RBFOX3: variants seen among roughly 807,000 people sequenced by gnomAD.
The protein encoded by RBFOX3 is RNA binding protein fox-1 homolog 3.
RBFOX3 carries 17 observed loss-of-function variants against 48.7 expected under a neutral mutation model. The ratio of observed to expected loss-of-function variants is 0.35; its 90% CI spans 0.24 to 0.52. The LOEUF is 0.52. Ranked by LOEUF, RBFOX3 falls within the 20% of genes least tolerant of loss-of-function variation. The probability of loss-of-function intolerance (pLI) is 0.94; values close to 1 mark genes in which losing one functional copy is unlikely to be tolerated. For synonymous variants in RBFOX3, 212 were observed against 209.5 expected (o/e 1.01, Z -0.10); for missense variants, 382 against 497.5 (o/e 0.77, Z 2.21).
At chr17:79,546,489 T>C (rs1456486737) in intron 1 of RBFOX3, among the ~76,000 whole-genome samples, 1 of 152,062 alleles carries the variant, frequency 6.6e-6, no homozygotes, top group African/African-American at 2.4e-5. Flanking sequence ...ACAGGGTTGA[T>C]CGATGGCTTG....
In RBFOX3 at chr17:79,481,962, T is replaced by A. The variant is rs2078844064; in HGVS notation, c.-175+492A>T. On this transcript the variant is annotated intron_variant, in intron 2 of 14. Coordinates refer to ENST00000693108, the MANE Select transcript of RBFOX3 (RefSeq NM_001350451.2). This position sits in a 1 kb window ranked among gnomAD's most constrained non-coding sequence, Gnocchi z 5.4. ...GTCTGACGCTGACTCCGGCGGTTAG[T>A]GTCAGAGCTGAACGGCAGTCACCCT... Among the ~76,000 whole-genome samples the A allele has an allele frequency of 6.6e-6, 1 of 152,084 alleles. No homozygotes were observed. The highest frequency in any genetic ancestry group is 2.4e-5 in the African/African-American group (1 of 41,418).
In RBFOX3 at chr17:79,462,569, G is replaced by T. The variant is rs1358083865; in HGVS notation, c.-175+19885C>A. Among the ~76,000 whole-genome samples the T allele has an allele frequency of 3.9e-5, 6 of 152,278 alleles. No homozygotes were observed. In the East Asian group the frequency reaches 7.7e-4, roughly 20 times the overall value. On this transcript the variant is annotated intron_variant, in intron 2 of 14. Transcript: ENST00000693108. ...GAGACAAATGCCTGGAGACATTATTGGTTGTTACTACTTAGTGGAGGGATT... is the reference window on the plus strand; with the variant it reads ...GAGACAAATGCCTGGAGACATTATTTGTTGTTACTACTTAGTGGAGGGATT...
chr17:79,139,063 C>T (rs1389418033), intron 4 of RBFOX3, among the ~76,000 whole-genome samples: 1 of 151,220 alleles, frequency 6.6e-6, no homozygotes, highest in African/African-American at 2.4e-5. Flanking sequence ...GTTCACACCC[C>T]TCACCCACAC....
chr17:79,370,885 G>A (rs1392288643), intron 2 of RBFOX3, among the ~76,000 whole-genome samples: 1 of 152,228 alleles, frequency 6.6e-6, no homozygotes, highest in Non-Finnish European at 1.5e-5. Context: ...TAGTTCCCAG[G>A]GCCAAGCACC....
intron 2 of RBFOX3, among the ~76,000 whole-genome samples, chr17:79,308,270 C>T (rs1454217834): frequency 1.3e-5 from 2 of 152,210 alleles, no homozygotes; most frequent in Non-Finnish European, 2.9e-5. Flanking sequence ...CGCTGGGCTG[C>T]ATCCTAGAGG....
chr17:79,430,112 T>C (rs1000431059), intron 2 of RBFOX3, among the ~76,000 whole-genome samples: 7 of 152,114 alleles, frequency 4.6e-5, no homozygotes, highest in African/African-American at 1.7e-4. Flanking sequence ...TCCCCCAGCG[T>C]TGCACTCAGA....
chr17:79,371,614 C>T (rs562440596), intron 2 of RBFOX3, among the ~76,000 whole-genome samples: 25 of 152,260 alleles, frequency 1.6e-4, no homozygotes, highest in African/African-American at 5.3e-4. Flanking sequence ...AGGGGCCACT[C>T]GATGAGGAAG....
At chr17:79,525,725 G>C (rs1416118274) in intron 1 of RBFOX3, among the ~76,000 whole-genome samples, 3 of 152,140 alleles carry the variant, frequency 2.0e-5, no homozygotes, top group African/African-American at 7.2e-5. Flanking sequence ...TTCTAAGCTT[G>C]GGTTTTTGTA....
intron 14 of RBFOX3, chr17:79,092,678 C>G: frequency 2.1e-6 from 2 of 950,612 alleles, no homozygotes; most frequent in Non-Finnish European, 2.5e-6. Flanking sequence ...CAATCAGTAC[C>G]GTCTTTTGGA....
chr17:79,331,513 T>C (rs946435850), intron 2 of RBFOX3, among the ~76,000 whole-genome samples: 1 of 152,184 alleles, frequency 6.6e-6, no homozygotes, highest in African/African-American at 2.4e-5. Context: ...CTGCCCCCCC[T>C]GGACCCCTGG....
rs2061425837 is a variant in RBFOX3 at position 79,391,975 on chromosome 17, T to C, written c.-174-84151A>G. ...CGTGCTCCCCCTGGTGGAAGGAAAC[T>C]TGTATGGCAACGCTCCCGCCAGGGC... On this transcript the variant is annotated intron_variant, in intron 2 of 14. Coordinates refer to ENST00000693108, the MANE Select transcript of RBFOX3 (RefSeq NM_001350451.2). This position sits in a 1 kb window ranked among gnomAD's most constrained non-coding sequence, Gnocchi z 5.0. Among the ~76,000 whole-genome samples, 1 of 152,154 alleles carries C rather than the reference T, an allele frequency of 6.6e-6. No homozygotes were observed. The highest frequency in any genetic ancestry group is 6.5e-5 in the Admixed American group (1 of 15,276).
intron 4 of RBFOX3, among the ~76,000 whole-genome samples, chr17:79,129,313 C>G (rs138084825): frequency 6.6e-6 from 1 of 152,330 alleles, no homozygotes; most frequent in African/African-American, 2.4e-5. Flanking sequence ...GCACACACAT[C>G]CAGGATGTAG....
intron 3 of RBFOX3, among the ~76,000 whole-genome samples, chr17:79,245,700 C>T (rs1173864430): frequency 2.7e-5 from 4 of 150,158 alleles, no homozygotes; most frequent in African/African-American, 4.9e-5. Flanking sequence ...TGATCTCAGC[C>T]CATTGCAACC....
chr17:79,288,972 T>C (rs994702858), intron 3 of RBFOX3, among the ~76,000 whole-genome samples: 2 of 152,024 alleles, frequency 1.3e-5, no homozygotes, highest in Admixed American at 1.3e-4. Context: ...TAGCAGGGAA[T>C]GAGGGGGTGA....
At chr17:79,398,327 G>A (rs771789928) in intron 2 of RBFOX3, among the ~76,000 whole-genome samples, 9 of 152,270 alleles carry the variant, frequency 5.9e-5, no homozygotes, top group Non-Finnish European at 8.8e-5. Context: ...TTTGCACCAC[G>A]GTTTCAGAAA....
Position 79,166,600 on chromosome 17 carries a change from C to T in RBFOX3, c.-33-50852G>A, listed in dbSNP as rs115954411. Among the ~76,000 whole-genome samples, 908 of 152,136 alleles carry T rather than the reference C, an allele frequency of 6.0e-3. 10 individuals are homozygous for T. Among genetic ancestry groups the T allele is most frequent in the African/African-American group, 0.02 (830 of 41,516 alleles). ...GGCCCAACACCCCAGCACCGAGATCCGGAGGAGGAGCCCAGCCCCTATGAA... is the reference window on the plus strand; with the variant it reads ...GGCCCAACACCCCAGCACCGAGATCTGGAGGAGGAGCCCAGCCCCTATGAA... On this transcript the variant is annotated intron_variant, in intron 4 of 14. Coordinates refer to ENST00000693108, the MANE Select transcript of RBFOX3 (RefSeq NM_001350451.2).
intron 3 of RBFOX3, among the ~76,000 whole-genome samples, chr17:79,306,544 C>T (rs529458460): frequency 4.9e-4 from 74 of 152,338 alleles, no homozygotes; most frequent in African/African-American, 1.0e-3. Flanking sequence ...CAATTCCTGC[C>T]GCAGCCTCTG....
At chr17:79,284,279 G>A (rs952263096) in intron 3 of RBFOX3, among the ~76,000 whole-genome samples, 1 of 152,116 alleles carries the variant, frequency 6.6e-6, no homozygotes, top group Non-Finnish European at 1.5e-5. Context: ...AATTATTTAT[G>A]AAGTCTCTGA....
chr17:79,342,217 T>C (rs994476260), intron 2 of RBFOX3, among the ~76,000 whole-genome samples: 2 of 152,260 alleles, frequency 1.3e-5, no homozygotes, highest in Non-Finnish European at 2.9e-5. Flanking sequence ...TTTTCAGGCC[T>C]GGTGAATAAA....
Sources: gnomAD v4.1 joint callset for allele counts (sites outside exome capture counted in the v4.1 genomes callset) on GRCh38, gnomAD v4.1.1 for gene constraint, Gnocchi (gnomAD v3.1) non-coding constraint, MANE v1.5 for transcripts, NCBI Gene and HGNC (gene_info 2026-07-23, HGNC 2026-07-21) for gene names.